ICA1: variants seen among roughly 807,000 people sequenced by gnomAD.
ICA1 encodes islet cell autoantigen 1, also known as 69 kDa islet cell autoantigen.
A neutral mutation model predicts 71.0 loss-of-function variants in ICA1; 40 were observed. That is an observed-to-expected ratio of 0.56 (90% CI 0.44 to 0.73). The LOEUF is 0.73. ICA1 is among the 30% of genes least tolerant of loss of function. The pLI, the probability that ICA1 is intolerant of heterozygous loss-of-function variation, is 0.00. For synonymous variants in ICA1, 207 were observed against 209.5 expected (o/e 0.99, Z 0.10); for missense variants, 578 against 576.5 (o/e 1.00, Z -0.03).
chr7:8,245,933 A>G (rs936587195), intron 1 of ICA1, among the ~76,000 whole-genome samples: 23 of 152,206 alleles, frequency 1.5e-4, no homozygotes, highest in Admixed American at 1.4e-3. Flanking sequence ...CCCTTAATGA[A>G]TCCCCAAATT....
intron 9 of ICA1, chr7:8,142,098 T>C (rs1043142273): frequency 2.0e-6 from 2 of 979,886 alleles, no homozygotes; most frequent in African/African-American, 1.7e-5. Context: ...CGCATACAGT[T>C]ATCACCTTAA....
rs1350144147 is a variant in ICA1 at position 8,226,809 on chromosome 7, A to G, written c.256+1792T>C. On this transcript the variant is annotated intron_variant, in intron 4 of 13. Transcript: ENST00000402384. This position sits in a 1 kb window ranked among gnomAD's most constrained non-coding sequence, Gnocchi z 4.4. ...GGTGGGGACATTATTCTAACCCTTTATATTACAAGATAATTATGAGCCTTC... is the reference window on the plus strand; with the variant it reads ...GGTGGGGACATTATTCTAACCCTTTGTATTACAAGATAATTATGAGCCTTC... 2.6e-5 allele frequency among the ~76,000 whole-genome samples: 4 copies of G among 152,244 alleles called. No individual in the cohort carries two copies. The highest frequency in any genetic ancestry group is 5.9e-5 in the Non-Finnish European group (4 of 68,042).
chr7:8,227,664 C>T (rs748769685), intron 4 of ICA1: 9 of 413,888 alleles, frequency 2.2e-5, no homozygotes, highest in African/African-American at 4.3e-5. Flanking sequence ...TGGAGCACAA[C>T]GGCTCATTAT....
At chr7:8,217,183 T>C (rs1308355594) in intron 6 of ICA1, among the ~76,000 whole-genome samples, 1 of 152,200 alleles carries the variant, frequency 6.6e-6, no homozygotes, top group Non-Finnish European at 1.5e-5. Flanking sequence ...AAGCCTACCT[T>C]TTGAAGAAGT....
chr7:8,191,090 T>C (rs1312770445), intron 6 of ICA1, among the ~76,000 whole-genome samples: 2 of 152,182 alleles, frequency 1.3e-5, no homozygotes, highest in African/African-American at 2.4e-5. Flanking sequence ...AGATGATAGC[T>C]GTCCATCGTT....
At chr7:8,183,918 T>TA (rs942901171) in intron 6 of ICA1, among the ~76,000 whole-genome samples, 2 of 152,070 alleles carry the variant, frequency 1.3e-5, no homozygotes, top group Admixed American at 6.6e-5. Context: ...AAACAATATA[T>TA]AAAAAACATA....
intron 8 of ICA1, among the ~76,000 whole-genome samples, chr7:8,153,379 C>T (rs758587926): frequency 6.6e-6 from 1 of 152,090 alleles, no homozygotes; most frequent in Non-Finnish European, 1.5e-5. Flanking sequence ...GCGAGGGGCC[C>T]AATGCTCACT....
At chr7:8,170,488 A>C (rs982626681) in intron 6 of ICA1, among the ~76,000 whole-genome samples, 4 of 151,912 alleles carry the variant, frequency 2.6e-5, no homozygotes, top group Non-Finnish European at 5.9e-5. Flanking sequence ...CATTTATTGG[A>C]TTTTTAAATT....
At chr7:8,246,057 T>C (rs1233551192) in intron 1 of ICA1, among the ~76,000 whole-genome samples, 1 of 152,226 alleles carries the variant, frequency 6.6e-6, no homozygotes, top group African/African-American at 2.4e-5. Context: ...CACAAGGCCC[T>C]TATGAAACAA....
chr7:8,256,609 T>C (rs754550910), intron 1 of ICA1, among the ~76,000 whole-genome samples: 3 of 152,202 alleles, frequency 2.0e-5, no homozygotes, highest in Admixed American at 2.0e-4. Context: ...CCTCTCCCCA[T>C]GGGTCTTGCA....
chr7:8,122,285 G>T (rs377578802), intron 13 of ICA1, among the ~76,000 whole-genome samples: 1 of 152,256 alleles, frequency 6.6e-6, no homozygotes, highest in East Asian at 1.9e-4. Context: ...GGTGTGGACA[G>T]TGAGGAGACA....
Position 8,186,166 on chromosome 7 carries a change from G to C in ICA1, c.580-27514C>G, listed in dbSNP as rs114471113. Among the ~76,000 whole-genome samples the C allele has an allele frequency of 3.3e-3, 497 of 150,830 alleles. 5 individuals are homozygous for C. The highest frequency in any genetic ancestry group is 0.012 in the African/African-American group (484 of 40,204). Reference sequence around the variant, plus strand: ...CAAGCGACAGCAATTCAGATGAAAGGAACAGGGGGAGGAGACAGGGAATCC... The same window carrying C: ...CAAGCGACAGCAATTCAGATGAAAGCAACAGGGGGAGGAGACAGGGAATCC... On this transcript the variant is annotated intron_variant, in intron 6 of 13. Transcript: ENST00000402384.
chr7:8,244,335 T>A (rs140901789), intron 1 of ICA1, among the ~76,000 whole-genome samples: 4,849 of 152,306 alleles, frequency 0.032, 96 homozygotes, highest in Admixed American at 0.047. Flanking sequence ...TAAATGGTGC[T>A]GGGAAAACTG....
intron 9 of ICA1, among the ~76,000 whole-genome samples, chr7:8,143,127 C>T (rs1795780322): frequency 6.6e-6 from 1 of 152,144 alleles, no homozygotes; most frequent in Admixed American, 6.5e-5. Flanking sequence ...CCTAGGTCGG[C>T]CAGTTCAAAG....
chr7:8,162,038 T>A (rs979047301), intron 6 of ICA1, among the ~76,000 whole-genome samples: 1 of 152,210 alleles, frequency 6.6e-6, no homozygotes, highest in Admixed American at 6.5e-5. Flanking sequence ...GGCCTACTTA[T>A]ATGGAACCTC....
At chr7:8,259,656 T>C (rs748769004) in intron 1 of ICA1, among the ~76,000 whole-genome samples, 1 of 152,158 alleles carries the variant, frequency 6.6e-6, no homozygotes, top group Non-Finnish European at 1.5e-5. Flanking sequence ...TCCTGTTCTG[T>C]AGATAAGGAA....
At chr7:8,148,564 TA>T (rs1797809543) in intron 8 of ICA1, among the ~76,000 whole-genome samples, 1 of 152,218 alleles carries the variant, frequency 6.6e-6, no homozygotes, top group African/African-American at 2.4e-5. Context: ...CAGCCTATGG[TA>T]AAATGGATTT....
chr7:8,184,829 C>T (rs887462389), intron 6 of ICA1, among the ~76,000 whole-genome samples: 2 of 152,148 alleles, frequency 1.3e-5, no homozygotes, highest in Non-Finnish European at 2.9e-5. Context: ...AATACCAGCA[C>T]TTTGGGAGGC....
intron 6 of ICA1, among the ~76,000 whole-genome samples, chr7:8,161,506 T>C (rs796764492): frequency 2.0e-5 from 3 of 152,338 alleles, no homozygotes; most frequent in South Asian, 2.1e-4. Flanking sequence ...GTGACTTGCG[T>C]TGGTCAATGG....
Sources: allele counts gnomAD v4.1 joint callset (sites outside exome capture counted in the v4.1 genomes callset), GRCh38; gene constraint gnomAD v4.1.1; non-coding constraint Gnocchi (gnomAD v3.1); transcripts MANE v1.5; gene names NCBI Gene and HGNC (gene_info 2026-07-23, HGNC 2026-07-21).